SLIT3: variants seen among roughly 807,000 people sequenced by gnomAD.
SLIT3 encodes the protein slit guidance ligand 3, also known as slit homolog 3 protein.
In SLIT3, 68 loss-of-function variants were observed where a neutral mutation model predicts 184.0. The ratio of observed to expected loss-of-function variants is 0.37; its 90% CI spans 0.30 to 0.45. SLIT3 has a LOEUF of 0.45. Ranked by LOEUF, SLIT3 falls within the 20% of genes least tolerant of loss-of-function variation. SLIT3 has a pLI of 1.00. For missense variants in SLIT3, 1,707 were observed against 2,026.0 expected (o/e 0.84, Z 3.02); for synonymous variants, 831 against 828.6 (o/e 1.00, Z -0.05).
intron 4 of SLIT3, among the ~76,000 whole-genome samples, chr5:169,055,488 A>T (rs1239352437): frequency 6.6e-6 from 1 of 152,234 alleles, no homozygotes; most frequent in African/African-American, 2.4e-5. Context: ...TATTCAAGTA[A>T]CAGCAAAAAG....
At chr5:168,867,386 T>C (rs534911009) in intron 5 of SLIT3, among the ~76,000 whole-genome samples, 3 of 152,338 alleles carry the variant, frequency 2.0e-5, no homozygotes, top group East Asian at 1.9e-4. Context: ...GAGAGGCACA[T>C]AGATGTGCAT....
chr5:168,856,159 A>C (rs6555833), intron 5 of SLIT3, among the ~76,000 whole-genome samples: 20,351 of 152,220 alleles, frequency 0.13, 1,687 homozygotes, highest in East Asian at 0.25. Context: ...GGTGCACTAC[A>C]TTGCGAGTGT....
At chr5:168,851,923 G>A (rs1758694007) in intron 5 of SLIT3, among the ~76,000 whole-genome samples, 1 of 152,198 alleles carries the variant, frequency 6.6e-6, no homozygotes, top group Non-Finnish European at 1.5e-5. Flanking sequence ...CTGTAAAATG[G>A]GCTGTCTCTT....
chr5:169,016,368 C>G (rs1756375732), intron 4 of SLIT3, among the ~76,000 whole-genome samples: 1 of 152,156 alleles, frequency 6.6e-6, no homozygotes, highest in South Asian at 2.1e-4. Context: ...CAAGACACAG[C>G]TAACGGGTGA....
intron 6 of SLIT3, among the ~76,000 whole-genome samples, chr5:168,837,610 G>A (rs1444672452): frequency 6.6e-6 from 1 of 152,116 alleles, no homozygotes; most frequent in African/African-American, 2.4e-5. Context: ...CTGGTGTTGT[G>A]GGCTTCAATT....
At chr5:169,278,867 C>T (rs1161257399) in intron 1 of SLIT3, among the ~76,000 whole-genome samples, 1 of 152,148 alleles carries the variant, frequency 6.6e-6, no homozygotes, top group Non-Finnish European at 1.5e-5. Context: ...CAAGGGGTCT[C>T]AGAGAACTTT....
intron 16 of SLIT3, among the ~76,000 whole-genome samples, chr5:168,756,382 C>G (rs1201839693): frequency 6.6e-6 from 1 of 152,230 alleles, no homozygotes; most frequent in Non-Finnish European, 1.5e-5. Context: ...ACCAGGCCCC[C>G]AGGGTGAGGC....
At chr5:169,088,525 G>A (rs1429925652) in intron 4 of SLIT3, among the ~76,000 whole-genome samples, 1 of 151,920 alleles carries the variant, frequency 6.6e-6, no homozygotes, top group Non-Finnish European at 1.5e-5. Flanking sequence ...GCATTTCTGA[G>A]CCAGGGATTT....
At chr5:169,203,351 GCACACACACACACACACACACACA>G (rs36206656) in intron 3 of SLIT3, among the ~76,000 whole-genome samples, 1 of 147,424 alleles carries the variant, frequency 6.8e-6, no homozygotes, top group East Asian at 2.0e-4. Context: ...ATGTGAATGT[GCACACACACACACACACACACACA>G]CACACACACA....
intron 14 of SLIT3, chr5:168,768,124 T>C (rs1382947807): frequency 4.1e-6 from 2 of 485,156 alleles, no homozygotes; most frequent in Non-Finnish European, 8.5e-6. Context: ...CCAGCGGTGG[T>C]GGCGGCGGTG....
intron 1 of SLIT3, among the ~76,000 whole-genome samples, chr5:169,269,448 C>G (rs188577125): frequency 3.3e-5 from 5 of 152,348 alleles, no homozygotes; most frequent in Non-Finnish European, 7.3e-5. Context: ...TGTCCCCAAA[C>G]AGCCAGGCAG....
intron 29 of SLIT3, among the ~76,000 whole-genome samples, chr5:168,691,663 C>T (rs1042141173): frequency 6.6e-6 from 1 of 152,184 alleles, no homozygotes; most frequent in African/African-American, 2.4e-5. Context: ...TCTCCAGTTG[C>T]CCCGGACTGC....
rs143166620 is a variant in SLIT3 at position 168,912,719 on chromosome 5, T to C, written c.414-29383A>G. Among the ~76,000 whole-genome samples, 439 of 152,330 alleles carry C rather than the reference T, an allele frequency of 2.9e-3. 1 individual carries two copies. The highest frequency in any genetic ancestry group is 4.6e-3 in the Non-Finnish European group (314 of 68,030). On this transcript the variant is annotated intron_variant, in intron 4 of 35. Coordinates refer to ENST00000519560, the MANE Select transcript of SLIT3 (RefSeq NM_003062.4). ...GTCTCTATGATGTATTTTATGCATTTTATGAAGAAACTAGGGTTTGCCCAT... is the reference window on the plus strand; with the variant it reads ...GTCTCTATGATGTATTTTATGCATTCTATGAAGAAACTAGGGTTTGCCCAT...
chr5:168,983,634 GGAGCCTAACTCC>G (rs1450915871), intron 4 of SLIT3, among the ~76,000 whole-genome samples: 1 of 152,128 alleles, frequency 6.6e-6, no homozygotes, highest in African/African-American at 2.4e-5. Flanking sequence ...GCAAAATGGG[GGAGCCTAACTCC>G]TGCTATTATG....
chr5:168,954,899 G>A (rs576842251), intron 4 of SLIT3, among the ~76,000 whole-genome samples: 1 of 152,198 alleles, frequency 6.6e-6, no homozygotes, highest in South Asian at 2.1e-4. Flanking sequence ...GAGTTTTAAT[G>A]GTGAAAACTT....
intron 12 of SLIT3, among the ~76,000 whole-genome samples, chr5:168,782,215 C>G (rs531508469): frequency 6.6e-6 from 1 of 152,306 alleles, no homozygotes; most frequent in South Asian, 2.1e-4. Flanking sequence ...GTTGTCTTAA[C>G]TTATTCCAGC....
intron 12 of SLIT3, among the ~76,000 whole-genome samples, chr5:168,782,424 C>T (rs1361847681): frequency 6.6e-6 from 1 of 152,154 alleles, no homozygotes; most frequent in East Asian, 1.9e-4. Flanking sequence ...GAAATGACAG[C>T]CTTTTCCTGC....
chr5:169,135,026 ACACTGGGTAAAT>A, intron 4 of SLIT3, among the ~76,000 whole-genome samples: 1 of 152,328 alleles, frequency 6.6e-6, no homozygotes, highest in South Asian at 2.1e-4. Context: ...ATGTGTTGTG[ACACTGGGTAAAT>A]CACTTCCCTT....
intron 4 of SLIT3, among the ~76,000 whole-genome samples, chr5:169,069,376 A>G (rs1027832598): frequency 6.6e-6 from 1 of 152,194 alleles, no homozygotes; most frequent in Non-Finnish European, 1.5e-5. Flanking sequence ...CCTAGAATGC[A>G]TGTCCCAGGA....
Sources: allele counts gnomAD v4.1 joint callset (sites outside exome capture counted in the v4.1 genomes callset), GRCh38; gene constraint gnomAD v4.1.1; transcripts MANE v1.5; gene names NCBI Gene and HGNC (gene_info 2026-07-23, HGNC 2026-07-21).